Variants in PAX6 observed in about 807,000 individuals in gnomAD.
The protein encoded by PAX6 is paired box 6.
In PAX6, 7 loss-of-function variants were observed where a neutral mutation model predicts 60.7. The ratio of observed to expected loss-of-function variants is 0.12; its 90% CI spans 0.07 to 0.22. The LOEUF (loss-of-function observed/expected upper bound fraction) is 0.22. Ranked by LOEUF, PAX6 falls within the 10% of genes least tolerant of loss-of-function variation. The pLI is 1.00. For synonymous variants in PAX6, 208 were observed against 201.2 expected, an observed-to-expected ratio of 1.03 and a Z score of -0.29; for missense variants, 355 against 555.2, an observed-to-expected ratio of 0.64 and a Z score of 3.62.
upstream of PAX6, chr11:31,814,145 C>T (rs1957262378): frequency 6.6e-6 from 1 of 152,186 alleles, no homozygotes; most frequent in Non-Finnish European, 1.5e-5. Flanking sequence ...ACCCTCCGCC[C>T]CCTGTGGCCA....
chr11:31,811,761 C>G (rs1592659906), upstream of PAX6: 2 of 152,704 alleles, frequency 1.3e-5, no homozygotes, highest in South Asian at 2.1e-4. Context: ...CCATCCCAGC[C>G]GGGGCCCCAA....
At chr11:31,801,179 C>A in intron 7 of PAX6, 2 of 1,192,560 alleles carry the variant, frequency 1.7e-6, no homozygotes, top group African/African-American at 1.5e-5. Context: ...TGTTGTAAAG[C>A]TTTCTTTCAT....
chr11:31,796,027 A>G (rs898462649), intron 8 of PAX6, among the ~76,000 whole-genome samples: 2 of 152,256 alleles, frequency 1.3e-5, no homozygotes, highest in African/African-American at 4.8e-5. Context: ...TGCGCCTTCA[A>G]AGAGTTCAGG....
At chr11:31,813,653 T>C (rs956949143), upstream of PAX6, among the ~76,000 whole-genome samples, 9 of 151,724 alleles carry the variant, frequency 5.9e-5, no homozygotes, top group Non-Finnish European at 8.8e-5. Context: ...ACTGACGTCA[T>C]TGGGTGGGGA....
chr11:31,801,921 C>A lies in PAX6; in HGVS notation c.142-9G>T. On this transcript the variant is annotated splice_polypyrimidine_tract_variant and intron_variant, in intron 5 of 13. Coordinates refer to ENST00000640368, the MANE Select transcript of PAX6 (RefSeq NM_001368894.2). ...TTTGCATCTGCATGGGTCTATAACACAAAAATATACCTTCAATGGTATGAG... is the reference window on the plus strand; with the variant it reads ...TTTGCATCTGCATGGGTCTATAACAAAAAAATATACCTTCAATGGTATGAG... 1 of 1,610,174 alleles carries A rather than the reference C, an allele frequency of 6.2e-7. No homozygotes were observed. The highest frequency in any genetic ancestry group is 2.2e-5 in the East Asian group (1 of 44,858).
chr11:31,811,484 C>T (rs1957013086), upstream of PAX6: 2 of 330,416 alleles, frequency 6.1e-6, no homozygotes, highest in Non-Finnish European at 1.1e-5. Flanking sequence ...GTCCCGGCTC[C>T]TCTCCCCGGC....
intron 8 of PAX6, among the ~76,000 whole-genome samples, chr11:31,798,176 C>T (rs1000374812): frequency 6.8e-6 from 1 of 147,002 alleles, no homozygotes; most frequent in African/African-American, 2.5e-5. Flanking sequence ...CTGACTAAAT[C>T]CTATAGAGGG....
At chr11:31,811,460 G>C, upstream of PAX6, 1 of 366,332 alleles carries the variant, frequency 2.7e-6, no homozygotes, top group Non-Finnish European at 4.9e-6. Flanking sequence ...ACTTGTTTTC[G>C]GCTCCGCCGG....
At chr11:31,811,090 AG>A (rs1327461492) in intron 1 of PAX6, 24 bp downstream of exon 1, 2 of 399,034 alleles carry the variant, frequency 5.0e-6, no homozygotes, top group East Asian at 3.6e-5. Context: ...AGTGTGGGTG[AG>A]GGAAGTGGCT....
chr11:31,791,103 G>A lies in PAX6; in HGVS notation c.1075-243C>T, dbSNP rs1000401238. The A allele has an allele frequency of 1.2e-5, 7 of 598,066 alleles. No homozygotes were observed. The African/African-American group carries it at 1.3e-4, about 11-fold the overall frequency. The allele number at this position is 598,066 out of a possible 1,614,324, so 37.0% of individuals were successfully genotyped here. ...TAAAGCACTTTAGGTTCTGACAACT[G>A]TCCAGCTAGATGGTTGCCACTATCC... On this transcript the variant is annotated intron_variant, in intron 12 of 13. Coordinates refer to ENST00000640368, the MANE Select transcript of PAX6 (RefSeq NM_001368894.2).
chr11:31,797,382 C>T (rs922055174), intron 8 of PAX6, among the ~76,000 whole-genome samples: 18 of 152,244 alleles, frequency 1.2e-4, no homozygotes, highest in Admixed American at 1.1e-3. Flanking sequence ...TGTTCTGTCT[C>T]ACACAAACAT....
In PAX6 at chr11:31,806,388, C is replaced by A. The variant is rs1446967069; in HGVS notation, c.10+14G>T. On this transcript the variant is annotated intron_variant, in intron 4 of 13. Transcript: ENST00000640368. ...CCCCGAGCCCGAAGTCCCAGAAAGA[C>A]CAGAGGCACTTACTGTTCTGCATGC... 6.2e-7 allele frequency: 1 copy of A among 1,608,238 alleles called. No homozygotes were observed. Among genetic ancestry groups the A allele is most frequent in the Non-Finnish European group, 8.5e-7 (1 of 1,177,530 alleles).
intron 4 of PAX6, chr11:31,804,920 G>T (rs1175724779): frequency 6.6e-6 from 1 of 152,422 alleles, no homozygotes; most frequent in African/African-American, 2.4e-5. Context: ...GCCACTCCCA[G>T]CATCGAAATG....
At chr11:31,811,429 C>T (rs1369241826), upstream of PAX6, 1 of 394,554 alleles carries the variant, frequency 2.5e-6, no homozygotes, top group African/African-American at 2.1e-5. Context: ...GCAATTGGTC[C>T]GTTTGTTTGA....
At position 31,794,690 on chromosome 11, in the gene PAX6, G is replaced by A. The variant is rs757259413; in HGVS notation, c.664C>T (p.Arg222Trp). Residue 222 changes from arginine (R) to tryptophan (W), a missense_variant, in exon 9 of 14, where the codon CGG becomes TGG. Physicochemically the swap from Arg to Trp is moderately radical, Grantham distance 101. Around this residue, in one of 5 missense-constraint regions of PAX6, gnomAD observed 143 missense variants for 183.6 expected, o/e 0.78. Coordinates refer to ENST00000640368, the MANE Select transcript of PAX6 (RefSeq NM_001368894.2). ...GATGTTCTATTTCTTTGCAGCTTCC[G>A]CTTCAGCTGAAGTCGCATTTGAGCC... ...DEAQMRLQLK[R>W]KLQRNRTSFT... 6.2e-7 allele frequency: 1 copy of A among 1,614,072 alleles called. No individual in the cohort carries two copies. The highest frequency in any genetic ancestry group is 8.5e-7 in the Non-Finnish European group (1 of 1,180,010).
At chr11:31,816,642 A>G (rs1280582940) in intron 1 of PAX6, 1 of 702,256 alleles carries the variant, frequency 1.4e-6, no homozygotes. Context: ...CGGCCCAGGT[A>G]AGGCGTGCGG....
At chr11:31,807,037 T>C (rs948221504) in intron 2 of PAX6, 112 bp from the exon 3 acceptor site, 1 of 152,284 alleles carries the variant, frequency 6.6e-6, no homozygotes, top group Non-Finnish European at 1.5e-5. Flanking sequence ...TAGGGCTCAG[T>C]CAAACTGTCA....
chr11:31,790,776 T>C lies in PAX6; in HGVS notation c.1159A>G (p.Thr387Ala), dbSNP rs758447642. The C allele has an allele frequency of 1.1e-5, 18 of 1,612,520 alleles. No homozygotes were observed. The highest frequency in any genetic ancestry group is 5.0e-5 in the Admixed American group (3 of 59,788). The change falls in exon 13 of 14, where the codon ACC becomes GCC. Residue 387 changes from threonine to alanine, a missense_variant. Transcript: ENST00000640368. ...SVNGRSYDTY[T>A]PPHMQTHMNS... ...ATGTGTGTCTGCATATGTGGGGGGG[T>C]GTAGGTATCATAACTCCGCCCATTC... is the stretch of plus-strand genomic sequence containing the variant.
At chr11:31,803,002 C>A (rs956638519) in intron 4 of PAX6, 168 bp from the exon 5 acceptor site, 8 of 731,690 alleles carry the variant, frequency 1.1e-5, no homozygotes, top group African/African-American at 1.7e-5. Flanking sequence ...CACAATGCAT[C>A]CTCATCCCCC....
Sources: gnomAD v4.1 joint callset for allele counts (sites outside exome capture counted in the v4.1 genomes callset) on GRCh38, gnomAD v4.1.1 for gene constraint, gnomAD v4.1.1 regional missense constraint, MANE v1.5 for transcripts, NCBI Gene and HGNC (gene_info 2026-07-23, HGNC 2026-07-21) for gene names.